TEX11: variants seen among roughly 807,000 people sequenced by gnomAD.
TEX11 encodes the protein testis-expressed protein 11.
In TEX11, 7 loss-of-function variants were observed where a neutral mutation model predicts 84.4. That is an observed-to-expected ratio of 0.08 (90% CI 0.05 to 0.16). TEX11 has a LOEUF of 0.16. Among genes scored for constraint, TEX11 ranks in the 10% least tolerant of loss-of-function variants. The pLI is 1.00. For synonymous variants in TEX11, 264 were observed against 222.8 expected, an observed-to-expected ratio of 1.18 and a Z score of -1.64; for missense variants, 551 against 660.5, an observed-to-expected ratio of 0.83 and a Z score of 1.82.
At chrX:70,516,113 C>T in the TEX11 span, among the ~76,000 whole-genome samples, 1 of 111,785 alleles carries the variant, frequency 8.9e-6, no homozygotes, top group South Asian at 3.7e-4. Flanking sequence ...TGTGCAGAAG[C>T]TCTTTAGTTT....
intron 9 of TEX11, among the ~76,000 whole-genome samples, chrX:70,767,100 C>CA (rs2090945350): frequency 1.8e-5 from 2 of 111,406 alleles, no homozygotes; most frequent in African/African-American, 6.5e-5. Flanking sequence ...GACACAAAAG[C>CA]AAAAATGGAC....
At chrX:70,566,131 G>T (rs1376000745) in intron 25 of TEX11, among the ~76,000 whole-genome samples, 1 of 106,566 alleles carries the variant, frequency 9.4e-6, no homozygotes, top group African/African-American at 3.5e-5. Context: ...TCCCTTGTAA[G>T]TTGGATTCTT....
At chrX:70,595,762 G>A (rs747143446) in intron 24 of TEX11, among the ~76,000 whole-genome samples, 1 of 111,662 alleles carries the variant, frequency 9.0e-6, no homozygotes, top group East Asian at 2.8e-4. Flanking sequence ...AAAAAGTAAA[G>A]TGGCATAAGT....
At chrX:70,643,075 C>T (rs1295810735) in intron 17 of TEX11, among the ~76,000 whole-genome samples, 1 of 61,261 alleles carries the variant, frequency 1.6e-5, no homozygotes, top group Admixed American at 2.2e-4. Context: ...AGCAAAGTCT[C>T]AGGATACAAA....
intron 13 of TEX11, among the ~76,000 whole-genome samples, chrX:70,715,305 C>T (rs950632722): frequency 1.8e-4 from 20 of 110,742 alleles, no homozygotes; most frequent in Admixed American, 3.8e-4. Flanking sequence ...ATCTTTGTGG[C>T]GTTCTCTGTA....
Position 70,785,812 on chromosome X carries a change from G to A in TEX11, c.692+20893C>T, listed in dbSNP as rs1006629193. Reference sequence around the variant, plus strand: ...TAGAATAGAGATCATTAAAAAGTCAGGAAACAACAGGTGCTGGTAAGGTTG... The same window carrying A: ...TAGAATAGAGATCATTAAAAAGTCAAGAAACAACAGGTGCTGGTAAGGTTG... On this transcript the variant is annotated intron_variant, in intron 9 of 29. Coordinates refer to ENST00000374333, the MANE Select transcript of TEX11 (RefSeq NM_031276.3). 3.6e-5 allele frequency among the ~76,000 whole-genome samples: 4 copies of A among 111,870 alleles called. No individual in the cohort carries two copies. In the East Asian group the frequency reaches 1.1e-3, roughly 31 times the overall value.
intron 13 of TEX11, among the ~76,000 whole-genome samples, chrX:70,685,325 C>T (rs7882643): frequency 0.087 from 9,708 of 111,475 alleles, 923 homozygotes; most frequent in African/African-American, 0.27. Context: ...AAGATCATGC[C>T]ACCACACTCT....
At chrX:70,883,636 T>A (rs925667152) in intron 2 of TEX11, among the ~76,000 whole-genome samples, 23 of 111,605 alleles carry the variant, frequency 2.1e-4, no homozygotes, top group African/African-American at 7.2e-4. Flanking sequence ...TATTAAGGTT[T>A]TGTCAAGCAA....
chrX:70,678,659 C>T, intron 15 of TEX11, 145 bp downstream of exon 15: 3 of 483,288 alleles, frequency 6.2e-6, no homozygotes, highest in Non-Finnish European at 7.0e-6. Flanking sequence ...CATTAACACT[C>T]TATATTGTGA....
At chrX:70,644,472 C>T (rs1197267605) in intron 17 of TEX11, among the ~76,000 whole-genome samples, 10 of 107,882 alleles carry the variant, frequency 9.3e-5, no homozygotes, top group Non-Finnish European at 1.3e-4. Flanking sequence ...CACATGCACA[C>T]GTACGTTTAT....
chrX:70,743,962 T>C (rs961489287), intron 10 of TEX11, among the ~76,000 whole-genome samples: 1 of 109,407 alleles, frequency 9.1e-6, no homozygotes, highest in Admixed American at 9.9e-5. Context: ...CAAAGCACTC[T>C]ACATATATTA....
chrX:70,605,476 T>A lies in TEX11; in HGVS notation c.1992A>T (p.Ala664=). Residue 664 remains alanine (A), a synonymous_variant, in exon 24 of 30, where the codon GCA becomes GCT. Transcript: ENST00000374333. ...CTGCCATAAGTAAACATGTTTTCCGTGCAATCAGAATTACTTGATCAGAAG... is the reference window on the plus strand; with the variant it reads ...CTGCCATAAGTAAACATGTTTTCCGAGCAATCAGAATTACTTGATCAGAAG... ...FCPSDQVILI[A]RKTCLLMAVA... is the part of the protein sequence containing the mutation. 8.3e-7 allele frequency: 1 copy of A among 1,209,577 alleles called. No homozygotes were observed. The highest frequency in any genetic ancestry group is 1.7e-5 in the African/African-American group (1 of 57,775).
At chrX:70,788,935 A>ATT (rs2091096318) in intron 9 of TEX11, among the ~76,000 whole-genome samples, 4 of 32,219 alleles carry the variant, frequency 1.2e-4, no homozygotes, top group African/African-American at 1.4e-4. Context: ...AAGGGTTTTG[A>ATT]TTATATATAT....
chrX:70,846,787 G>A (rs774200649), intron 7 of TEX11, among the ~76,000 whole-genome samples: 1 of 111,491 alleles, frequency 9.0e-6, no homozygotes, highest in South Asian at 3.8e-4. Flanking sequence ...AGCCGGGCGT[G>A]GTGGCATGTG....
At chrX:70,706,633 G>C (rs1378467230) in intron 13 of TEX11, among the ~76,000 whole-genome samples, 2 of 110,525 alleles carry the variant, frequency 1.8e-5, no homozygotes, top group African/African-American at 6.6e-5. Context: ...TCATAATTTT[G>C]AGCTTATCTT....
At chrX:70,677,946 G>T (rs4844248) in intron 15 of TEX11, among the ~76,000 whole-genome samples, 30,209 of 105,475 alleles carry the variant, frequency 0.29, 3,381 homozygotes, top group Admixed American at 0.42. Context: ...CCTGAGTAGC[G>T]GACACTACAG....
At chrX:70,779,195 T>C (rs2091020795) in intron 9 of TEX11, among the ~76,000 whole-genome samples, 2 of 110,567 alleles carry the variant, frequency 1.8e-5, no homozygotes, top group South Asian at 7.7e-4. Flanking sequence ...GGTGGGTGGA[T>C]CATGAGGTCA....
At chrX:70,702,926 T>C (rs1018691568) in intron 13 of TEX11, among the ~76,000 whole-genome samples, 12 of 111,748 alleles carry the variant, frequency 1.1e-4, no homozygotes, top group Non-Finnish European at 1.9e-4. Context: ...CCACTACGTA[T>C]GAAGGGCTCC....
chrX:70,646,242 T>A (rs557764368), intron 17 of TEX11, among the ~76,000 whole-genome samples: 1 of 112,159 alleles, frequency 8.9e-6, no homozygotes, highest in East Asian at 2.8e-4. Flanking sequence ...AATTTGACCC[T>A]TTTCTCACAA....
Sources: allele counts gnomAD v4.1 joint callset (sites outside exome capture counted in the v4.1 genomes callset), GRCh38; gene constraint gnomAD v4.1.1; transcripts MANE v1.5; gene names NCBI Gene and HGNC (gene_info 2026-07-23, HGNC 2026-07-21).